The following ELP4 variants were observed in gnomAD, a reference collection of about 807,000 sequenced individuals.
ELP4 encodes elongator complex protein 4.
Under a neutral mutation model 48.9 loss-of-function variants are expected in ELP4, and 51 were observed. The observed-to-expected ratio is 1.04, with a 90% CI of 0.83 to 1.32. The LOEUF is 1.32. ELP4 is among the 40% of genes most tolerant of loss of function. The pLI is 0.00. For synonymous variants in ELP4, 210 were observed against 189.2 expected, an observed-to-expected ratio of 1.11 and a Z score of -0.90; for missense variants, 519 against 514.6, an observed-to-expected ratio of 1.01 and a Z score of -0.08.
chr11:31,757,578 G>T (rs1258462184), intron 9 of ELP4, among the ~76,000 whole-genome samples: 1 of 152,082 alleles, frequency 6.6e-6, no homozygotes, highest in Non-Finnish European at 1.5e-5. Context: ...AAGGAGCACT[G>T]GTTAATAAGC....
chr11:31,600,554 G>A (rs1456076728), intron 4 of ELP4: 2 of 152,122 alleles, frequency 1.3e-5, no homozygotes, highest in African/African-American at 4.8e-5. Context: ...ACAAAACACA[G>A]TGATGGATCT....
chr11:31,514,571 C>T (rs575050690), intron 1 of ELP4, among the ~76,000 whole-genome samples: 31 of 152,186 alleles, frequency 2.0e-4, no homozygotes, highest in African/African-American at 7.0e-4. Context: ...TACTTTCTTG[C>T]CTGTTTTCAT....
chr11:31,762,047 C>T (rs1947956248), intron 9 of ELP4: 1 of 152,180 alleles, frequency 6.6e-6, no homozygotes, highest in African/African-American at 2.4e-5. Flanking sequence ...TGAAATGGAC[C>T]ATCCTGACAG....
In ELP4 at chr11:31,627,119, C is replaced by T; in HGVS notation, c.663C>T (p.Thr221=). The part of the protein sequence containing the change: ...STLKVEPCSL[T]PGYTKLLQFI... Reference sequence around the variant, plus strand: ...CTTCTTTTACCAACAGTTCTTTGACCCCTGGCTACACAAAGCTGCTTCAGT... The same window carrying T: ...CTTCTTTTACCAACAGTTCTTTGACTCCTGGCTACACAAAGCTGCTTCAGT... The change falls in exon 6 of 10, where the codon ACC becomes ACT. Residue 221 remains threonine, a synonymous_variant. Transcript: ENST00000640961. The T allele has an allele frequency of 6.2e-7, 1 of 1,603,976 alleles. No homozygotes were observed.
At chr11:31,598,503 C>CTTTTTTTTTTTTTTTTTTTTTTTTTT (rs10702222) in intron 4 of ELP4, among the ~76,000 whole-genome samples, 3 of 77,740 alleles carry the variant, frequency 3.9e-5, no homozygotes, top group Non-Finnish European at 6.7e-5. Flanking sequence ...TTTTCTTCTT[C>CTTTTTTTTTTTTTTTTTTTTTTTTTT]TTTTTTTTTT....
chr11:31,518,927 T>C (rs1227769718), intron 1 of ELP4, among the ~76,000 whole-genome samples: 1 of 150,910 alleles, frequency 6.6e-6, no homozygotes, highest in South Asian at 2.1e-4. Context: ...TTCCCGTTTC[T>C]CAGCCTCCTG....
chr11:31,579,848 C>T (rs1265373968), intron 3 of ELP4, among the ~76,000 whole-genome samples: 2 of 151,728 alleles, frequency 1.3e-5, no homozygotes, highest in Non-Finnish European at 1.5e-5. Flanking sequence ...GACGAGTTAG[C>T]GGGTCCAGCA....
At chr11:31,630,613 A>G (rs1263810226) in intron 6 of ELP4, among the ~76,000 whole-genome samples, 2 of 152,006 alleles carry the variant, frequency 1.3e-5, no homozygotes, top group Non-Finnish European at 2.9e-5. Flanking sequence ...ACAGGTGTGA[A>G]CCACAGCGCC....
At chr11:31,657,699 A>G (rs1945467122) in intron 9 of ELP4, among the ~76,000 whole-genome samples, 1 of 152,058 alleles carries the variant, frequency 6.6e-6, no homozygotes, top group African/African-American at 2.4e-5. Context: ...TATTTCACAT[A>G]TTTAATAAAA....
rs560501672 is a variant in ELP4, at chr11:31,752,766, G to A, written c.1144-30627G>A. Among the ~76,000 whole-genome samples the A allele has an allele frequency of 2.6e-5, 4 of 151,526 alleles. No individual in the cohort carries two copies. In the South Asian group the frequency reaches 8.4e-4, roughly 32 times the overall value. ...GGAGAATGGCATGAACCCGGGGGGC[G>A]GAGCTTGCAGTGAGCTGGGATCGCG... On this transcript the variant is annotated intron_variant, in intron 9 of 9. Coordinates refer to ENST00000640961, the MANE Select transcript of ELP4 (RefSeq NM_019040.5).
intron 3 of ELP4, among the ~76,000 whole-genome samples, chr11:31,585,590 A>G (rs1957458317): frequency 6.6e-6 from 1 of 152,212 alleles, no homozygotes. Flanking sequence ...AACACAAGGA[A>G]ATTCCTCCGT....
chr11:31,680,097 G>C (rs1048451763), intron 9 of ELP4, among the ~76,000 whole-genome samples: 1 of 152,076 alleles, frequency 6.6e-6, no homozygotes, highest in African/African-American at 2.4e-5. Context: ...CAATCATAGA[G>C]GGCAGTGGTT....
intron 9 of ELP4, among the ~76,000 whole-genome samples, chr11:31,741,189 G>C (rs1356543237): frequency 6.6e-6 from 1 of 152,200 alleles, no homozygotes; most frequent in East Asian, 1.9e-4. Context: ...GCGAGGCTAG[G>C]GGAGGGGCGC....
At chr11:31,633,412 A>C (rs1042261037) in intron 7 of ELP4, 1 of 152,086 alleles carries the variant, frequency 6.6e-6, no homozygotes, top group African/African-American at 2.4e-5. Flanking sequence ...GCAAGTCCCC[A>C]TCTCTACAAA....
At chr11:31,725,685 A>G (rs1235216688) in intron 9 of ELP4, among the ~76,000 whole-genome samples, 1 of 152,218 alleles carries the variant, frequency 6.6e-6, no homozygotes, top group African/African-American at 2.4e-5. Flanking sequence ...TCCCACACAG[A>G]CAAGTTACCT....
intron 3 of ELP4, among the ~76,000 whole-genome samples, chr11:31,571,970 A>C (rs1320632461): frequency 1.3e-5 from 2 of 152,200 alleles, no homozygotes; most frequent in East Asian, 1.9e-4. Flanking sequence ...TGGAATGATA[A>C]GTGAGTATTG....
chr11:31,741,191 G>C (rs1947438004), intron 9 of ELP4, among the ~76,000 whole-genome samples: 1 of 152,206 alleles, frequency 6.6e-6, no homozygotes, highest in African/African-American at 2.4e-5. Flanking sequence ...GAGGCTAGGG[G>C]AGGGGCGCCC....
chr11:31,511,226 G>C (rs1391815038), intron 1 of ELP4: 1 of 152,110 alleles, frequency 6.6e-6, no homozygotes, highest in Non-Finnish European at 1.5e-5. Context: ...AAAATATCTA[G>C]TTAGCAAATA....
At chr11:31,600,452 A>G (rs1033835862) in intron 4 of ELP4, 3 of 152,138 alleles carry the variant, frequency 2.0e-5, no homozygotes, top group African/African-American at 4.8e-5. Flanking sequence ...TTGACTTTCT[A>G]TCTTAGTGGT....
Sources: allele counts gnomAD v4.1 joint callset (sites outside exome capture counted in the v4.1 genomes callset), GRCh38; gene constraint gnomAD v4.1.1; transcripts MANE v1.5; gene names NCBI Gene and HGNC (gene_info 2026-07-23, HGNC 2026-07-21).